ZNF536: variants seen among roughly 807,000 people sequenced by gnomAD.
ZNF536 encodes zinc finger protein 536.
Under a neutral mutation model 84.5 loss-of-function variants are expected in ZNF536, and 13 were observed. The observed-to-expected ratio is 0.15, with a 90% CI of 0.10 to 0.24. ZNF536 has a LOEUF of 0.24. ZNF536 is among the 10% of genes least tolerant of loss of function. The pLI is 1.00. For synonymous variants in ZNF536, 811 were observed against 742.5 expected, an observed-to-expected ratio of 1.09 and a Z score of -1.50; for missense variants, 1,536 against 1,747.5, an observed-to-expected ratio of 0.88 and a Z score of 2.16.
chr19:30,652,549 C>T (rs2049748511), intron 1 of ZNF536, among the ~76,000 whole-genome samples: 1 of 152,100 alleles, frequency 6.6e-6, no homozygotes, highest in African/African-American at 2.4e-5. Context: ...TGGCAGCAGG[C>T]ATTTCCACCG....
chr19:30,383,079 C>A (rs944283950), intron 1 of ZNF536, among the ~76,000 whole-genome samples: 3 of 152,118 alleles, frequency 2.0e-5, no homozygotes, highest in African/African-American at 7.2e-5. Context: ...CACCTGAGGT[C>A]GGGAGTTCGA....
intron 1 of ZNF536, among the ~76,000 whole-genome samples, chr19:30,233,485 G>T (rs1428184280): frequency 6.6e-6 from 1 of 151,898 alleles, no homozygotes; most frequent in Non-Finnish European, 1.5e-5. Context: ...GGGACTACAG[G>T]TACATACCAC....
At chr19:30,422,769 T>C (rs188250701) in intron 1 of ZNF536, among the ~76,000 whole-genome samples, 11 of 151,910 alleles carry the variant, frequency 7.2e-5, no homozygotes, top group African/African-American at 2.7e-4. Context: ...TACCCAACCA[T>C]ATAGCCATCG....
At chr19:30,639,362 A>G (rs938747845) in intron 1 of ZNF536, among the ~76,000 whole-genome samples, 15 of 152,250 alleles carry the variant, frequency 9.9e-5, no homozygotes, top group East Asian at 1.9e-4. Context: ...CAGGTAACCA[A>G]TATAAAGAGT....
At chr19:30,419,845 G>T (rs1381179312) in intron 1 of ZNF536, among the ~76,000 whole-genome samples, 3 of 152,214 alleles carry the variant, frequency 2.0e-5, no homozygotes, top group Admixed American at 2.0e-4. Flanking sequence ...CTGCTCCACG[G>T]CATCCTTTCC....
chr19:30,232,049 T>C (rs1452868882), intron 1 of ZNF536, among the ~76,000 whole-genome samples: 1 of 150,154 alleles, frequency 6.7e-6, no homozygotes. Flanking sequence ...TTTTCTGAAA[T>C]CCCCCTCACT....
At chr19:30,438,088 G>C (rs1308643069) in intron 1 of ZNF536, among the ~76,000 whole-genome samples, 1 of 152,098 alleles carries the variant, frequency 6.6e-6, no homozygotes, top group Non-Finnish European at 1.5e-5. Context: ...CTGGCCCCTG[G>C]CTTCCTTTTT....
intron 1 of ZNF536, among the ~76,000 whole-genome samples, chr19:30,389,551 G>A (rs2049493613): frequency 6.6e-6 from 1 of 152,108 alleles, no homozygotes; most frequent in East Asian, 1.9e-4. Context: ...TTTGTCCCCA[G>A]GGGCTGTATT....
Position 30,531,126 on chromosome 19 carries a change from CA to C in ZNF536, c.2171-3713del, listed in dbSNP as rs200293593. On this transcript the variant is annotated intron_variant, in intron 2 of 4. Coordinates refer to ENST00000355537, the MANE Select transcript of ZNF536 (RefSeq NM_014717.3). ...AAATGCCATAGGCCTTCTGGCCCTCCAAAAAAAATCCCTTTTCTTTGTGAAG... is the reference window on the plus strand; with the variant it reads ...AAATGCCATAGGCCTTCTGGCCCTCCAAAAAAATCCCTTTTCTTTGTGAAG... Among the ~76,000 whole-genome samples the C allele has an allele frequency of 4.0e-3, 607 of 151,952 alleles. 7 individuals are homozygous for C. Among genetic ancestry groups the C allele is most frequent in the African/African-American group, 0.014 (566 of 41,486 alleles).
At chr19:30,280,109 C>T (rs138206597) in intron 1 of ZNF536, among the ~76,000 whole-genome samples, 17 of 152,186 alleles carry the variant, frequency 1.1e-4, no homozygotes, top group Middle Eastern at 3.4e-3. Flanking sequence ...CCCAACCATC[C>T]GCCTCGCCTC....
At chr19:30,628,056 C>T (rs893565454) in intron 1 of ZNF536, among the ~76,000 whole-genome samples, 14 of 152,212 alleles carry the variant, frequency 9.2e-5, no homozygotes, top group African/African-American at 2.7e-4. Context: ...CACAGACAGA[C>T]GGGAATGCAG....
rs989918436 is a variant in ZNF536, at chr19:30,308,351, AT to A, written c.-120+24220del. ...GCTTTCTCCATGTAATCTTGTGAACATTTTTTTTTTCATGTGAACCATGATT... is the reference window on the plus strand; with the variant it reads ...GCTTTCTCCATGTAATCTTGTGAACATTTTTTTTTCATGTGAACCATGATT... On this transcript the variant is annotated intron_variant, in intron 2 of 5. Coordinates refer to the ZNF536 transcript ENST00000585628. Among the ~76,000 whole-genome samples the A allele has an allele frequency of 3.1e-4, 47 of 149,842 alleles. No individual in the cohort carries two copies. The East Asian group carries it at 6.8e-3, about 22-fold the overall frequency.
rs1370981091 is a variant in ZNF536 at position 30,549,008 on chromosome 19, G to A, written c.3389G>A (p.Cys1130Tyr). The A allele has an allele frequency of 2.5e-6, 4 of 1,614,152 alleles. No individual in the cohort carries two copies. Among genetic ancestry groups the A allele is most frequent in the African/African-American group, 1.3e-5 (1 of 75,028 alleles). ...GMVGSGASSSCPNKEPDGKAH... is the reference protein window; with the variant it reads ...GMVGSGASSSYPNKEPDGKAH... ...GTTGGCTCAGGGGCCTCCAGTTCCT[G>A]CCCCAACAAGGAGCCTGATGGAAAG... is the stretch of plus-strand genomic sequence containing the variant. Residue 1130 changes from cysteine (C) to tyrosine (Y), a missense_variant, in exon 4 of 5, where the codon TGC becomes TAC. Physicochemically the swap from Cys to Tyr is radical, Grantham distance 194 (BLOSUM62 -2). This residue lies in a region of ZNF536 where 624 missense variants were observed against 603.1 expected (regional missense o/e 1.03). Coordinates refer to ENST00000355537, the MANE Select transcript of ZNF536 (RefSeq NM_014717.3).
At chr19:30,370,252 T>A (rs148130275), upstream of ZNF536, among the ~76,000 whole-genome samples, 2 of 152,218 alleles carry the variant, frequency 1.3e-5, no homozygotes, top group African/African-American at 4.8e-5. Context: ...CTATACTTTT[T>A]AGGGGAGACC....
intron 1 of ZNF536, among the ~76,000 whole-genome samples, chr19:30,434,878 TG>T (rs2051642811): frequency 6.6e-6 from 1 of 150,614 alleles, no homozygotes; most frequent in Non-Finnish European, 1.5e-5. Context: ...ATGATGGTGA[TG>T]GTAGTGATGA....
At chr19:30,388,964 G>A (rs531638669) in intron 1 of ZNF536, among the ~76,000 whole-genome samples, 18 of 152,338 alleles carry the variant, frequency 1.2e-4, no homozygotes, top group African/African-American at 3.8e-4. Flanking sequence ...CCCCTACAAA[G>A]CAAGTGTAGC....
chr19:30,323,931 C>T (rs1188394860), intron 2 of ZNF536, among the ~76,000 whole-genome samples: 1 of 152,142 alleles, frequency 6.6e-6, no homozygotes, highest in Non-Finnish European at 1.5e-5. Flanking sequence ...CTCCCTCCAT[C>T]CATCTGTCCA....
chr19:30,549,687 G>A (rs1008620145), intron 4 of ZNF536, among the ~76,000 whole-genome samples, 173 bp downstream of exon 4: 7 of 152,136 alleles, frequency 4.6e-5, no homozygotes, highest in African/African-American at 1.7e-4. Flanking sequence ...ATTTTGTTTA[G>A]AAGTTTTAGA....
chr19:30,254,120 A>G (rs2024777599), intron 1 of ZNF536, among the ~76,000 whole-genome samples: 1 of 152,172 alleles, frequency 6.6e-6, no homozygotes, highest in African/African-American at 2.4e-5. Flanking sequence ...TTCCTAACAG[A>G]ATGTTAAATA....
Sources: allele counts gnomAD v4.1 joint callset (sites outside exome capture counted in the v4.1 genomes callset), GRCh38; gene constraint gnomAD v4.1.1; regional missense constraint gnomAD v4.1.1; transcripts MANE v1.5; gene names NCBI Gene and HGNC (gene_info 2026-07-23, HGNC 2026-07-21).